DYNC1I1: variants seen among roughly 807,000 people sequenced by gnomAD.
The protein encoded by DYNC1I1 is cytoplasmic dynein 1 intermediate chain 1.
A neutral mutation model predicts 86.6 loss-of-function variants in DYNC1I1; 43 were observed. The observed-to-expected ratio is 0.50, with a 90% CI of 0.39 to 0.64. The LOEUF (loss-of-function observed/expected upper bound fraction) is 0.64, where lower values mean the gene tolerates loss of function less well. Among genes scored for constraint, DYNC1I1 ranks in the 30% least tolerant of loss-of-function variants. The pLI, the probability that DYNC1I1 is intolerant of heterozygous loss-of-function variation, is 0.00. For synonymous variants in DYNC1I1, 262 were observed against 283.7 expected (o/e 0.92, Z 0.77); for missense variants, 604 against 788.8 (o/e 0.77, Z 2.81).
chr7:96,029,375 G>A lies in DYNC1I1; in HGVS notation c.1116+1054G>A, dbSNP rs553398476. Among the ~76,000 whole-genome samples, 13 of 152,292 alleles carry A rather than the reference G, an allele frequency of 8.5e-5. No homozygotes were observed. The East Asian group carries it at 2.5e-3, about 29-fold the overall frequency. ...AGGAGAAGGTGGGCTTGATGCAGGT[G>A]TTTGGTGAAGTAGTGTGAAACCATG... On this transcript the variant is annotated intron_variant, in intron 11 of 16. Coordinates refer to ENST00000447467, the MANE Select transcript of DYNC1I1 (RefSeq NM_001135556.2).
intron 6 of DYNC1I1, among the ~76,000 whole-genome samples, chr7:95,943,061 T>G (rs1413548179): frequency 1.8e-4 from 22 of 122,700 alleles, no homozygotes; most frequent in African/African-American, 3.4e-4. Context: ...GGTATTCAAT[T>G]AGGAAAAGAG....
At chr7:95,900,081 C>A (rs903454373) in intron 6 of DYNC1I1, among the ~76,000 whole-genome samples, 6 of 152,134 alleles carry the variant, frequency 3.9e-5, no homozygotes, top group Non-Finnish European at 8.8e-5. Context: ...ATTTCTGCTG[C>A]CTTTTCCGGC....
chr7:95,988,095 G>A (rs149288293), intron 9 of DYNC1I1, among the ~76,000 whole-genome samples: 9 of 152,256 alleles, frequency 5.9e-5, no homozygotes, highest in African/African-American at 2.2e-4. Flanking sequence ...CTGATCACTC[G>A]GCTGCGTGAG....
chr7:95,799,057 C>T (rs1441300898), intron 1 of DYNC1I1, among the ~76,000 whole-genome samples: 1 of 152,088 alleles, frequency 6.6e-6, no homozygotes, highest in Non-Finnish European at 1.5e-5. Flanking sequence ...CTCATGTTTT[C>T]CTGCCTCCCT....
intron 5 of DYNC1I1, among the ~76,000 whole-genome samples, chr7:95,865,959 A>G (rs1790006936): frequency 1.3e-5 from 2 of 152,198 alleles, no homozygotes; most frequent in East Asian, 1.9e-4. Context: ...CTGGGTGTAC[A>G]GTGAACAGGG....
Position 95,947,980 on chromosome 7 carries a change from C to CTTTTT in DYNC1I1, c.491-29516_491-29512dup, listed in dbSNP as rs35181190. ...TCAAAAACCAGGTCTTTGTATGTGG[C>CTTTTT]TTTTTTTTTTTTTTTTTTTTGGTAG... On this transcript the variant is annotated intron_variant, in intron 6 of 16. Coordinates refer to ENST00000447467, the MANE Select transcript of DYNC1I1 (RefSeq NM_001135556.2). Among the ~76,000 whole-genome samples the CTTTTT allele has an allele frequency of 4.6e-3, 486 of 106,778 alleles. 15 individuals are homozygous for CTTTTT. Among genetic ancestry groups the CTTTTT allele is most frequent in the African/African-American group, 0.017 (459 of 27,184 alleles). 70.1% of individuals were successfully genotyped at this position (106,778 alleles called of 152,430 possible).
chr7:95,885,149 T>G (rs1790560251), intron 6 of DYNC1I1, among the ~76,000 whole-genome samples: 2 of 152,154 alleles, frequency 1.3e-5, no homozygotes, highest in African/African-American at 4.8e-5. Flanking sequence ...ATTTTAGAAT[T>G]CTTATTGTGA....
chr7:96,047,786 T>G (rs926236507), intron 14 of DYNC1I1, among the ~76,000 whole-genome samples: 1 of 151,932 alleles, frequency 6.6e-6, no homozygotes, highest in African/African-American at 2.4e-5. Flanking sequence ...CAGTGAAAGG[T>G]GTATGGTTTA....
intron 10 of DYNC1I1, 83 bp downstream of exon 10, chr7:95,996,156 G>A (rs904752694): frequency 4.8e-5 from 75 of 1,570,938 alleles, no homozygotes; most frequent in Non-Finnish European, 6.0e-5. Context: ...GTCTTATGCT[G>A]AGAGGAAGAA....
At chr7:96,036,505 C>G (rs562380510) in intron 13 of DYNC1I1, among the ~76,000 whole-genome samples, 2 of 152,246 alleles carry the variant, frequency 1.3e-5, no homozygotes, top group East Asian at 3.9e-4. Flanking sequence ...ATATATTTTC[C>G]TTATGCTTCT....
At chr7:96,100,650 T>TGTGTG (rs1791119550), downstream of DYNC1I1, among the ~76,000 whole-genome samples, 5 of 142,848 alleles carry the variant, frequency 3.5e-5, no homozygotes, top group African/African-American at 1.3e-4. Flanking sequence ...TTTGAGGGTT[T>TGTGTG]TGTGTGTGTG....
intron 16 of DYNC1I1, among the ~76,000 whole-genome samples, chr7:96,084,597 AT>A (rs1790624999): frequency 1.3e-5 from 2 of 152,120 alleles, no homozygotes; most frequent in South Asian, 4.2e-4. Context: ...AAATTTTTGT[AT>A]TTTTAGTAGA....
At chr7:96,015,653 T>C (rs1794382764) in intron 10 of DYNC1I1, among the ~76,000 whole-genome samples, 1 of 152,166 alleles carries the variant, frequency 6.6e-6, no homozygotes, top group African/African-American at 2.4e-5. Flanking sequence ...CAAGTACACA[T>C]AAATGTTCCG....
intron 2 of DYNC1I1, 105 bp from the exon 3 acceptor site, chr7:95,810,287 T>G (rs1176114492): frequency 2.4e-6 from 2 of 819,982 alleles, no homozygotes; most frequent in Non-Finnish European, 3.7e-6. Context: ...TATTTAGGGC[T>G]TTCACCTTGT....
chr7:96,010,789 C>A (rs1794257372), intron 10 of DYNC1I1, among the ~76,000 whole-genome samples: 1 of 152,154 alleles, frequency 6.6e-6, no homozygotes, highest in African/African-American at 2.4e-5. Context: ...CAAAATCTAG[C>A]ACAATGACTG....
intron 1 of DYNC1I1, among the ~76,000 whole-genome samples, chr7:95,798,437 A>T (rs1794498631): frequency 6.6e-6 from 1 of 151,998 alleles, no homozygotes. Context: ...ATTTTATGAG[A>T]CACTAAGCAG....
At chr7:95,841,960 A>G (rs942109950) in intron 5 of DYNC1I1, among the ~76,000 whole-genome samples, 11 of 152,192 alleles carry the variant, frequency 7.2e-5, no homozygotes, top group Non-Finnish European at 1.3e-4. Flanking sequence ...GGGGTCTAAT[A>G]AGTGCTGGGC....
intron 10 of DYNC1I1, among the ~76,000 whole-genome samples, chr7:96,025,772 C>T (rs2115945048): frequency 6.6e-6 from 1 of 151,346 alleles, no homozygotes; most frequent in Middle Eastern, 3.4e-3. Context: ...CTATGTGTTT[C>T]AGTTTTATAT....
At chr7:96,098,569 C>A, downstream of DYNC1I1, 1 of 409,714 alleles carries the variant, frequency 2.4e-6, no homozygotes, top group Non-Finnish European at 3.3e-6. Context: ...TGGACTTAAA[C>A]CAAGACTCCT....
Sources: gnomAD v4.1 joint callset for allele counts (sites outside exome capture counted in the v4.1 genomes callset) on GRCh38, gnomAD v4.1.1 for gene constraint, MANE v1.5 for transcripts, NCBI Gene and HGNC (gene_info 2026-07-23, HGNC 2026-07-21) for gene names.